The following UGGT2 variants were observed in gnomAD, a reference collection of about 807,000 sequenced individuals.
UGGT2 encodes UDP-glucose:glycoprotein glucosyltransferase 2.
UGGT2 carries 180 observed loss-of-function variants against 192.1 expected under a neutral mutation model. The ratio of observed to expected loss-of-function variants is 0.94; its 90% CI spans 0.83 to 1.06. UGGT2 has a LOEUF of 1.06. UGGT2 is among the 50% of genes least tolerant of loss of function. The probability of loss-of-function intolerance (pLI) is 0.00; values close to 1 mark genes in which losing one functional copy is unlikely to be tolerated. For missense variants in UGGT2, 1,849 were observed against 1,795.7 expected (o/e 1.03, Z -0.54); for synonymous variants, 580 against 591.0 (o/e 0.98, Z 0.27).
At position 95,865,663 on chromosome 13, in the gene UGGT2, C is replaced by CAAAACA. The variant is rs1890595805; in HGVS notation, c.3558+1670_3558+1675dup. 2.0e-5 allele frequency among the ~76,000 whole-genome samples: 3 copies of CAAAACA among 152,186 alleles called. No homozygotes were observed. The South Asian group carries it at 6.2e-4, about 32-fold the overall frequency. On this transcript the variant is annotated intron_variant, in intron 30 of 38. Transcript: ENST00000376747. ...TGAGCAACAGAGCGAGACTACATCT[C>CAAAACA]AAAACAAAAACAAAAACAAACTACT...
chr13:95,996,212 A>C, intron 6 of UGGT2, 77 bp from the exon 7 acceptor site: 1 of 1,381,734 alleles, frequency 7.2e-7, no homozygotes, highest in African/African-American at 1.5e-5. Context: ...CAAAAATTAG[A>C]AGAACTTGGC....
In UGGT2 at chr13:96,053,380, C is replaced by T. The variant is rs1383390001; in HGVS notation, c.-68G>A. On this transcript the variant is annotated 5_prime_UTR_variant, in exon 1 of 39. Coordinates refer to ENST00000376747, the MANE Select transcript of UGGT2 (RefSeq NM_020121.4). Reference sequence around the variant, plus strand: ...CAGTCTGTGGCCGCCACGCTTCGGCCGGCTCTTCCCGCTGCGCGGCTGCCC... The same window carrying T: ...CAGTCTGTGGCCGCCACGCTTCGGCTGGCTCTTCCCGCTGCGCGGCTGCCC... 2.0e-6 allele frequency: 3 copies of T among 1,521,446 alleles called. No homozygotes were observed. Among genetic ancestry groups the T allele is most frequent in the Admixed American group, 2.1e-5 (1 of 48,380 alleles). 94.2% of individuals were successfully genotyped at this position (1,521,446 alleles called of 1,614,324 possible).
rs754799207 is a variant in UGGT2 at position 96,031,934 on chromosome 13, G to A, written c.196C>T (p.Gln66Ter). The part of the protein sequence containing the change: ...MAEESNEKFW[Q>*]FLETVQELAI... ...AATTCTTGCACAGTTTCCAAAAACT[G>A]CCAAAATTTTTCATTACTTTCTTCT... The change falls in exon 2 of 39, where the codon CAG becomes TAG. Residue 66 changes from glutamine (Q) to a stop codon, truncating the protein, a stop_gained. Coordinates refer to ENST00000376747, the MANE Select transcript of UGGT2 (RefSeq NM_020121.4). LOFTEE classifies it high-confidence loss of function. 1.2e-6 allele frequency: 2 copies of A among 1,610,318 alleles called. No individual in the cohort carries two copies. The highest frequency in any genetic ancestry group is 1.1e-5 in the South Asian group (1 of 90,108).
At chr13:95,826,680 C>T (rs773792810) in intron 38 of UGGT2, among the ~76,000 whole-genome samples, 13 of 151,644 alleles carry the variant, frequency 8.6e-5, no homozygotes, top group Non-Finnish European at 1.9e-4. Context: ...TGTTATGATT[C>T]TTGAGGAAAA....
intron 38 of UGGT2, among the ~76,000 whole-genome samples, chr13:95,820,812 T>C (rs577187928): frequency 1.9e-4 from 29 of 152,174 alleles, no homozygotes; most frequent in African/African-American, 6.7e-4. Flanking sequence ...CATCTTTGTG[T>C]CCTCACAGTT....
chr13:96,021,213 A>AT (rs2052505749), intron 4 of UGGT2, among the ~76,000 whole-genome samples: 1 of 152,152 alleles, frequency 6.6e-6, no homozygotes, highest in Non-Finnish European at 1.5e-5. Context: ...AGGACCTTGC[A>AT]TTTTTTGCTG....
chr13:95,920,126 T>C (rs1282103477), intron 20 of UGGT2, among the ~76,000 whole-genome samples: 3 of 152,160 alleles, frequency 2.0e-5, no homozygotes, highest in Non-Finnish European at 4.4e-5. Context: ...TAATAAATAG[T>C]GCTGGAAGTG....
rs536644611 is a variant in UGGT2 at position 95,845,596 on chromosome 13, ATCTC to A, written c.4284+7943_4284+7946del. Among the ~76,000 whole-genome samples, 195 of 151,654 alleles carry A rather than the reference ATCTC, an allele frequency of 1.3e-3. 1 individual carries two copies. The highest frequency in any genetic ancestry group is 4.4e-3 in the African/African-American group (180 of 41,370). ...TCTACACAGACACAGTAACAATCTGATCTCTCTTTCTTTTCCCCACATTTCCCCC... is the reference window on the plus strand; with the variant it reads ...TCTACACAGACACAGTAACAATCTGATCTTTCTTTTCCCCACATTTCCCCC... On this transcript the variant is annotated intron_variant, in intron 36 of 38. Transcript: ENST00000376747.
Position 95,946,941 on chromosome 13 carries a change from A to C in UGGT2, c.1677+96T>G. 3.2e-6 allele frequency: 4 copies of C among 1,266,242 alleles called. No homozygotes were observed. In the South Asian group the frequency reaches 7.4e-5, roughly 24 times the overall value. 78.4% of individuals were successfully genotyped at this position (1,266,242 alleles called of 1,614,324 possible). A position where few individuals can be genotyped will look rare whatever the true frequency, so the allele number is the denominator to read the frequency against. On this transcript the variant is annotated intron_variant, in intron 15 of 38. Coordinates refer to ENST00000376747, the MANE Select transcript of UGGT2 (RefSeq NM_020121.4). ...TTATAAACTTTGAAATGTTACAATA[A>C]ATGTAATGCAAAAATTATACATTCT...
chr13:95,898,050 G>A (rs1451806220), intron 22 of UGGT2, among the ~76,000 whole-genome samples: 1 of 151,982 alleles, frequency 6.6e-6, no homozygotes, highest in Non-Finnish European at 1.5e-5. Context: ...AAAGTCCCTG[G>A]ACAATTCCTG....
At chr13:96,051,815 AT>A (rs1455212502) in intron 1 of UGGT2, among the ~76,000 whole-genome samples, 3 of 152,212 alleles carry the variant, frequency 2.0e-5, no homozygotes, top group Admixed American at 2.0e-4. Flanking sequence ...TAATAAAAAA[AT>A]AAAAATAAAT....
chr13:96,041,000 C>T (rs1020846418), intron 1 of UGGT2, among the ~76,000 whole-genome samples: 2 of 152,084 alleles, frequency 1.3e-5, no homozygotes, highest in Admixed American at 6.6e-5. Context: ...AAATAAAAAC[C>T]GTTTTAGCCT....
intron 27 of UGGT2, among the ~76,000 whole-genome samples, chr13:95,882,759 A>C (rs542096765): frequency 9.2e-4 from 140 of 152,320 alleles, no homozygotes; most frequent in African/African-American, 3.3e-3. Flanking sequence ...GTTAATCTCC[A>C]TCAGCTGTTG....
rs947722916 is a variant in UGGT2, at chr13:95,885,744, A to T, written c.3039-1064T>A. 2.0e-5 allele frequency among the ~76,000 whole-genome samples: 3 copies of T among 152,250 alleles called. No individual in the cohort carries two copies. In the South Asian group the frequency reaches 6.2e-4, roughly 31 times the overall value. Reference sequence around the variant, plus strand: ...AGTCATGAAGTAAATGTTCAAAACAAATTCTTGCTGCAGTGGAAATATCAA... The same window carrying T: ...AGTCATGAAGTAAATGTTCAAAACATATTCTTGCTGCAGTGGAAATATCAA... On this transcript the variant is annotated intron_variant, in intron 26 of 38. Transcript: ENST00000376747.
rs773923828 is a variant in UGGT2, at chr13:95,853,500, T to C, written c.4284+43A>G. The C allele has an allele frequency of 3.1e-5, 47 of 1,531,278 alleles. No homozygotes were observed. The Admixed American group carries it at 8.0e-4, about 26-fold the overall frequency. 94.9% of individuals were successfully genotyped at this position (1,531,278 alleles called of 1,614,324 possible). The stretch of plus-strand genomic sequence containing the variant: ...TTATGAGCACGGAGTTGGAACAGTC[T>C]ATGTACACACACTCAAAATTATTCT... On this transcript the variant is annotated intron_variant, in intron 36 of 38. Transcript: ENST00000376747.
chr13:95,902,490 A>G (rs1310375098), intron 21 of UGGT2, among the ~76,000 whole-genome samples: 1 of 151,976 alleles, frequency 6.6e-6, no homozygotes, highest in Non-Finnish European at 1.5e-5. Context: ...TGAATGAATA[A>G]TGATTGTTTC....
rs866535349 is a variant in UGGT2 at position 95,863,637 on chromosome 13, G to A, written c.3636C>T (p.Ser1212=). ...EDEKTKGLWD[S]IKSFTVSLHK... ...TATTCATTAGTAATTACCTTTTAAT[G>A]GAATCCCACAGTCCTTTTGTTTTTT... Residue 1212 remains serine, a synonymous_variant, in exon 31 of 39, where the codon TCC becomes TCT. Transcript: ENST00000376747. The A allele has an allele frequency of 1.2e-6, 2 of 1,607,730 alleles. No individual in the cohort carries two copies. Among genetic ancestry groups the A allele is most frequent in the Non-Finnish European group, 1.7e-6 (2 of 1,174,782 alleles).
chr13:95,802,995 G>A (rs1024225429), intron 38 of UGGT2, among the ~76,000 whole-genome samples: 17 of 151,772 alleles, frequency 1.1e-4, no homozygotes, highest in Middle Eastern at 3.4e-3. Flanking sequence ...CACCACGCCC[G>A]GCTAATTTTT....
At chr13:95,814,445 C>A (rs1181005995) in intron 38 of UGGT2, among the ~76,000 whole-genome samples, 1 of 152,192 alleles carries the variant, frequency 6.6e-6, no homozygotes, top group Non-Finnish European at 1.5e-5. Context: ...GGTTTTGGAC[C>A]TGTGTGGGCC....
Sources: gnomAD v4.1 joint callset for allele counts (sites outside exome capture counted in the v4.1 genomes callset) on GRCh38, gnomAD v4.1.1 for gene constraint, MANE v1.5 for transcripts, NCBI Gene and HGNC (gene_info 2026-07-23, HGNC 2026-07-21) for gene names.